The following SKAP2 variants were observed in gnomAD, a reference collection of about 807,000 sequenced individuals.
SKAP2 encodes the protein src kinase associated phosphoprotein 2, also known as src kinase-associated phosphoprotein 2.
SKAP2 carries 28 observed loss-of-function variants against 54.9 expected under a neutral mutation model. That is an observed-to-expected ratio of 0.51 (90% CI 0.38 to 0.70). The LOEUF is 0.70. Ranked by LOEUF, SKAP2 falls within the 30% of genes least tolerant of loss-of-function variation. The pLI, the probability that SKAP2 is intolerant of heterozygous loss-of-function variation, is 0.00. For synonymous variants in SKAP2, 137 were observed against 134.3 expected, an observed-to-expected ratio of 1.02 and a Z score of -0.14; for missense variants, 356 against 424.1, an observed-to-expected ratio of 0.84 and a Z score of 1.41.
intron 4 of SKAP2, among the ~76,000 whole-genome samples, chr7:26,841,353 A>G (rs970477895): frequency 6.6e-6 from 1 of 152,094 alleles, no homozygotes; most frequent in Non-Finnish European, 1.5e-5. Flanking sequence ...CAATAAAAAA[A>G]AAAAGGCAGG....
At chr7:26,738,719 G>A in intron 6 of SKAP2, 76 bp downstream of exon 6, 1 of 773,128 alleles carries the variant, frequency 1.3e-6, no homozygotes, top group Non-Finnish European at 2.3e-6. Flanking sequence ...AGTTTACTCT[G>A]TACTCAAAAG....
At chr7:26,853,430 G>T (rs1436655479) in intron 3 of SKAP2, among the ~76,000 whole-genome samples, 1 of 151,982 alleles carries the variant, frequency 6.6e-6, no homozygotes, top group Non-Finnish European at 1.5e-5. Flanking sequence ...CTAAAGAATT[G>T]AATATATAAA....
At chr7:26,672,801 A>C (rs1752666855) in intron 11 of SKAP2, among the ~76,000 whole-genome samples, 1 of 152,026 alleles carries the variant, frequency 6.6e-6, no homozygotes, top group African/African-American at 2.4e-5. Flanking sequence ...CCTCCTGAGC[A>C]ACATGAATCC....
rs573798307 is a variant in SKAP2, at chr7:26,731,786, C to T, written c.470-4780G>A. On this transcript the variant is annotated intron_variant, in intron 6 of 12. Transcript: ENST00000345317. ...AGCTCCCAAACCAGAAAACTGGGCA[C>T]CATTTTTTATTTTGCCCTTACCTTC... 5.3e-5 allele frequency among the ~76,000 whole-genome samples: 8 copies of T among 152,118 alleles called. 1 individual carries two copies. The South Asian group carries it at 1.7e-3, about 32-fold the overall frequency.
At chr7:26,812,520 A>G (rs1272412175) in intron 4 of SKAP2, among the ~76,000 whole-genome samples, 1 of 152,192 alleles carries the variant, frequency 6.6e-6, no homozygotes, top group Non-Finnish European at 1.5e-5. Flanking sequence ...TCTAAACATA[A>G]CTTCATAGAA....
At chr7:26,829,610 G>T (rs1784561846) in intron 4 of SKAP2, among the ~76,000 whole-genome samples, 2 of 152,050 alleles carry the variant, frequency 1.3e-5, no homozygotes, top group Non-Finnish European at 2.9e-5. Context: ...AATTTGAAGT[G>T]GGCATTCTCT....
intron 4 of SKAP2, among the ~76,000 whole-genome samples, chr7:26,838,630 A>T (rs1386267005): frequency 6.6e-6 from 1 of 152,132 alleles, no homozygotes; most frequent in East Asian, 1.9e-4. Flanking sequence ...CATAAAACTC[A>T]CTTAAATAAA....
rs753085587 is a variant in SKAP2 at position 26,844,076 on chromosome 7, T to C, written c.261A>G (p.Ser87=). 3 of 1,612,568 alleles carry C rather than the reference T, an allele frequency of 1.9e-6. No individual in the cohort carries two copies. Among genetic ancestry groups the C allele is most frequent in the Non-Finnish European group, 1.7e-6 (2 of 1,179,210 alleles). The change falls in exon 4 of 13, where the codon TCA becomes TCG. Residue 87 remains serine, a synonymous_variant. Coordinates refer to ENST00000345317, the MANE Select transcript of SKAP2 (RefSeq NM_003930.5). ...DPFAGPPDTI[S]LASERYDKDD... ...CTTTATCATATCGTTCTGAGGCTAA[T>C]GAAATAGTGTCTGGAGGCCCAGCAA...
chr7:26,855,837 G>A (rs3801809), intron 1 of SKAP2, among the ~76,000 whole-genome samples: 32,356 of 151,832 alleles, frequency 0.21, 3,547 homozygotes, highest in Non-Finnish European at 0.24. Flanking sequence ...ATCTAATATG[G>A]AGGATATCAT....
At chr7:26,800,289 T>C (rs2127984442) in intron 4 of SKAP2, among the ~76,000 whole-genome samples, 1 of 152,126 alleles carries the variant, frequency 6.6e-6, no homozygotes, top group East Asian at 1.9e-4. Context: ...GGTGAAGACA[T>C]GAAGAAGGAA....
chr7:26,771,367 A>G (rs937223543), intron 4 of SKAP2, among the ~76,000 whole-genome samples: 3 of 152,214 alleles, frequency 2.0e-5, no homozygotes, highest in Non-Finnish European at 2.9e-5. Flanking sequence ...TTTAAAGGGA[A>G]GAGAAGTCAA....
intron 3 of SKAP2, among the ~76,000 whole-genome samples, chr7:26,849,543 G>A (rs1293815829): frequency 1.3e-5 from 2 of 151,914 alleles, no homozygotes; most frequent in South Asian, 2.1e-4. Flanking sequence ...AAATTAGCCA[G>A]GCGTGGTGGT....
At chr7:26,725,189 C>G (rs1313982141) in intron 9 of SKAP2, among the ~76,000 whole-genome samples, 1 of 152,088 alleles carries the variant, frequency 6.6e-6, no homozygotes, top group Non-Finnish European at 1.5e-5. Flanking sequence ...AGTATTGTAT[C>G]TGCTTCATTT....
intron 4 of SKAP2, among the ~76,000 whole-genome samples, chr7:26,781,077 G>A (rs1195259661): frequency 1.3e-5 from 2 of 151,896 alleles, no homozygotes; most frequent in Non-Finnish European, 2.9e-5. Flanking sequence ...TTGCCTTTTT[G>A]TCATTAACAC....
At chr7:26,666,989 C>T (rs906677214), downstream of SKAP2, 2 of 152,214 alleles carry the variant, frequency 1.3e-5, no homozygotes, top group African/African-American at 2.4e-5. Context: ...ACAATCAACA[C>T]ACTATTTTCC....
intron 4 of SKAP2, among the ~76,000 whole-genome samples, chr7:26,822,389 A>C (rs1001970061): frequency 2.6e-5 from 4 of 152,094 alleles, no homozygotes; most frequent in African/African-American, 9.7e-5. Flanking sequence ...GGTGATCTAT[A>C]ATCAGTGATC....
At chr7:26,691,868 C>T (rs1786790997) in intron 9 of SKAP2, among the ~76,000 whole-genome samples, 1 of 152,146 alleles carries the variant, frequency 6.6e-6, no homozygotes, top group African/African-American at 2.4e-5. Context: ...AGGGGAAGAG[C>T]TGGGTAGGAG....
chr7:26,660,437 C>G, the SKAP2 span, among the ~76,000 whole-genome samples: 2 of 151,954 alleles, frequency 1.3e-5, no homozygotes, highest in Admixed American at 6.6e-5. Context: ...GCACTAAATG[C>G]TAAGCTACAA....
rs967282048 is a variant in SKAP2, at chr7:26,667,730, G to C, written c.*1936C>G. Reference sequence around the variant, plus strand: ...GTGCCATGGGGGAAGGGTTTCAAGAGGTTTTGTCTGCAATGAAAAGCTGCT... The same window carrying C: ...GTGCCATGGGGGAAGGGTTTCAAGACGTTTTGTCTGCAATGAAAAGCTGCT... On this transcript the variant is annotated 3_prime_UTR_variant, in exon 13 of 13. Transcript: ENST00000345317. 2 of 152,578 alleles carry C rather than the reference G, an allele frequency of 1.3e-5. No homozygotes were observed. The highest frequency in any genetic ancestry group is 2.9e-5 in the Non-Finnish European group (2 of 68,020). The allele number at this position is 152,578 out of a possible 1,614,324, so 9.5% of individuals were successfully genotyped here.
Sources: allele counts gnomAD v4.1 joint callset (sites outside exome capture counted in the v4.1 genomes callset), GRCh38; gene constraint gnomAD v4.1.1; transcripts MANE v1.5; gene names NCBI Gene and HGNC (gene_info 2026-07-23, HGNC 2026-07-21).